The following METTL15 variants were observed in gnomAD, a reference collection of about 807,000 sequenced individuals.
METTL15 encodes the protein methyltransferase 15, mitochondrial 12S rRNA N4-cytidine.
METTL15 carries 34 observed loss-of-function variants against 38.3 expected under a neutral mutation model. That is an observed-to-expected ratio of 0.89 (90% CI 0.68 to 1.18). The LOEUF is 1.18. Ranked by LOEUF, METTL15 falls within the 50% of genes most tolerant of loss-of-function variation. METTL15 has a pLI of 0.00. For synonymous variants in METTL15, 162 were observed against 170.9 expected (o/e 0.95, Z 0.41); for missense variants, 438 against 498.4 (o/e 0.88, Z 1.15).
intron 6 of METTL15, among the ~76,000 whole-genome samples, chr11:28,326,953 T>C (rs1017200461): frequency 5.4e-5 from 8 of 148,944 alleles, no homozygotes; most frequent in Non-Finnish European, 1.2e-4. Context: ...ACATGCTATT[T>C]TATATTCTTT....
chr11:28,471,379 A>G (rs1403152423), intron 6 of METTL15, among the ~76,000 whole-genome samples: 1 of 152,172 alleles, frequency 6.6e-6, no homozygotes, highest in Non-Finnish European at 1.5e-5. Flanking sequence ...ATTGTGGGAC[A>G]TCTTTAAACA....
intron 4 of METTL15, among the ~76,000 whole-genome samples, chr11:28,239,957 T>G (rs1481861861): frequency 6.6e-6 from 1 of 152,166 alleles, no homozygotes; most frequent in Non-Finnish European, 1.5e-5. Flanking sequence ...ACCATGACAG[T>G]AGGAGTATTT....
chr11:28,309,188 G>A (rs968741312), intron 6 of METTL15, among the ~76,000 whole-genome samples: 4 of 152,068 alleles, frequency 2.6e-5, no homozygotes, highest in East Asian at 3.9e-4. Flanking sequence ...TCTTCCTGGC[G>A]TTGTTGTCCT....
rs567822377 is a variant in METTL15 at position 28,472,158 on chromosome 11, T to TAGC, written c.*424+47796_*424+47798dup. On this transcript the variant is annotated intron_variant and NMD_transcript_variant, in intron 6 of 7. Coordinates refer to the METTL15 transcript ENST00000532947. ...GAATAAAAGAAATAGTCCCCTTAAT[T>TAGC]AGCACATGGAGGTGTTAACTAGAAC... 1.0e-3 allele frequency among the ~76,000 whole-genome samples: 152 copies of TAGC among 152,286 alleles called. 6 individuals carry two copies. The South Asian group carries it at 0.03, about 30-fold the overall frequency.
At chr11:28,280,043 TA>T (rs1219135485) in intron 4 of METTL15, among the ~76,000 whole-genome samples, 6 of 152,184 alleles carry the variant, frequency 3.9e-5, no homozygotes, top group Admixed American at 2.6e-4. Context: ...GCCACTACCA[TA>T]TATTTTAATT....
At chr11:28,347,867 G>C (rs910341427) in intron 3 of METTL15, among the ~76,000 whole-genome samples, 3 of 152,178 alleles carry the variant, frequency 2.0e-5, no homozygotes, top group African/African-American at 7.2e-5. Context: ...TCTCTAAGCA[G>C]AATTTAGACA....
intron 6 of METTL15, among the ~76,000 whole-genome samples, chr11:28,434,295 C>G (rs1434534249): frequency 6.6e-6 from 1 of 152,168 alleles, no homozygotes; most frequent in African/African-American, 2.4e-5. Context: ...TAAGGCCTGC[C>G]CAGCCATGCT....
At chr11:28,390,682 T>C (rs903514463) in intron 5 of METTL15, among the ~76,000 whole-genome samples, 1 of 152,230 alleles carries the variant, frequency 6.6e-6, no homozygotes, top group Non-Finnish European at 1.5e-5. Flanking sequence ...AGCTTTGTTC[T>C]TGTGGCTTAG....
chr11:28,175,427 T>C (rs1851035294), intron 3 of METTL15, among the ~76,000 whole-genome samples: 1 of 152,190 alleles, frequency 6.6e-6, no homozygotes, highest in East Asian at 1.9e-4. Context: ...TGTGTCTTTA[T>C]AGCAGCATGA....
intron 6 of METTL15, among the ~76,000 whole-genome samples, chr11:28,462,647 A>C (rs1239424187): frequency 6.6e-6 from 1 of 152,048 alleles, no homozygotes; most frequent in Non-Finnish European, 1.5e-5. Context: ...CATGGGATGA[A>C]TTATGTTCAG....
rs561913539 is a variant in METTL15, at chr11:28,386,914, A to G, written c.*358+24878A>G. Among the ~76,000 whole-genome samples, 17 of 152,154 alleles carry G rather than the reference A, an allele frequency of 1.1e-4. No homozygotes were observed. The South Asian group carries it at 3.5e-3, about 32-fold the overall frequency. On this transcript the variant is annotated intron_variant and NMD_transcript_variant, in intron 5 of 7. Coordinates refer to the METTL15 transcript ENST00000532947. ...AAATTAATAGCAGAAGAAAACCATG[A>G]AATTTACAAGTATGTGAAAATTAAG... is the stretch of plus-strand genomic sequence containing the variant.
intron 3 of METTL15, among the ~76,000 whole-genome samples, chr11:28,125,014 A>G (rs1048400140): frequency 6.6e-6 from 1 of 152,134 alleles, no homozygotes; most frequent in African/African-American, 2.4e-5. Flanking sequence ...ATGAAAATGT[A>G]AGTAACTTCT....
At chr11:28,144,650 G>A (rs777041105) in intron 3 of METTL15, among the ~76,000 whole-genome samples, 19 of 152,054 alleles carry the variant, frequency 1.2e-4, no homozygotes, top group Non-Finnish European at 2.2e-4. Flanking sequence ...ATTTTTGGTG[G>A]ATATAGTGAA....
At chr11:28,408,976 CAT>C (rs1217028137) in intron 5 of METTL15, among the ~76,000 whole-genome samples, 2 of 152,138 alleles carry the variant, frequency 1.3e-5, no homozygotes, top group Non-Finnish European at 2.9e-5. Flanking sequence ...GCCTAACAAA[CAT>C]ATAGAATTTT....
chr11:28,390,257 CT>C (rs1850488730), intron 5 of METTL15, among the ~76,000 whole-genome samples: 1 of 150,350 alleles, frequency 6.7e-6, no homozygotes, highest in African/African-American at 2.4e-5. Flanking sequence ...TCAATTTTGG[CT>C]TTTGTTGCCA....
chr11:28,317,764 C>T (rs1287495981), intron 6 of METTL15, among the ~76,000 whole-genome samples: 1 of 152,116 alleles, frequency 6.6e-6, no homozygotes, highest in East Asian at 1.9e-4. Context: ...CAGACTGTTA[C>T]TAAGCAAGAT....
chr11:28,296,206 C>A (rs1046415932), intron 5 of METTL15, among the ~76,000 whole-genome samples: 1 of 152,054 alleles, frequency 6.6e-6, no homozygotes, highest in Admixed American at 6.6e-5. Flanking sequence ...GTATCATTGC[C>A]ATTAAAGTTG....
At chr11:28,408,362 A>G (rs574292639) in intron 5 of METTL15, among the ~76,000 whole-genome samples, 1 of 151,964 alleles carries the variant, frequency 6.6e-6, no homozygotes, top group South Asian at 2.1e-4. Flanking sequence ...CAACAAGAAA[A>G]CCGTGCTAGC....
At chr11:28,119,272 G>A (rs1852105778) in intron 3 of METTL15, among the ~76,000 whole-genome samples, 1 of 152,114 alleles carries the variant, frequency 6.6e-6, no homozygotes, top group Non-Finnish European at 1.5e-5. Context: ...TATTTGTCTT[G>A]CTTACCATTA....
Sources: gnomAD v4.1 joint callset for allele counts (sites outside exome capture counted in the v4.1 genomes callset) on GRCh38, gnomAD v4.1.1 for gene constraint, MANE v1.5 for transcripts, NCBI Gene and HGNC (gene_info 2026-07-23, HGNC 2026-07-21) for gene names.